The following NCKAP5 variants were observed in gnomAD, a reference collection of about 807,000 sequenced individuals.
NCKAP5 encodes nck-associated protein 5.
Under a neutral mutation model 167.0 loss-of-function variants are expected in NCKAP5, and 92 were observed. That is an observed-to-expected ratio of 0.55 (90% CI 0.47 to 0.66). The LOEUF (loss-of-function observed/expected upper bound fraction) is 0.66. NCKAP5 is among the 30% of genes least tolerant of loss of function. The pLI is 0.00. For missense variants in NCKAP5, 2,378 were observed against 2,315.0 expected (o/e 1.03, Z -0.56); for synonymous variants, 891 against 877.4 (o/e 1.02, Z -0.27).
chr2:132,817,586 G>C (rs1574316713), intron 11 of NCKAP5, among the ~76,000 whole-genome samples: 1 of 152,176 alleles, frequency 6.6e-6, no homozygotes, highest in Non-Finnish European at 1.5e-5. Flanking sequence ...TGAATTCTAA[G>C]AGCAACTCAC....
chr2:133,014,864 G>C (rs991207960), intron 6 of NCKAP5, among the ~76,000 whole-genome samples: 1 of 152,140 alleles, frequency 6.6e-6, no homozygotes, highest in African/African-American at 2.4e-5. Context: ...TTATAAGCAA[G>C]ATCTAAGATT....
intron 3 of NCKAP5, among the ~76,000 whole-genome samples, chr2:133,391,764 A>G (rs752690001): frequency 6.6e-6 from 1 of 152,178 alleles, no homozygotes; most frequent in Non-Finnish European, 1.5e-5. Context: ...AATCTTCACC[A>G]GAATTACCAG....
At chr2:133,634,449 A>G in the NCKAP5 span, among the ~76,000 whole-genome samples, 40 of 152,314 alleles carry the variant, frequency 2.6e-4, no homozygotes, top group African/African-American at 9.1e-4. Flanking sequence ...CTACGCTAAT[A>G]AACTGCCAGA....
At chr2:133,125,602 AT>A (rs912518729) in intron 6 of NCKAP5, among the ~76,000 whole-genome samples, 13 of 152,214 alleles carry the variant, frequency 8.5e-5, no homozygotes, top group Non-Finnish European at 1.9e-4. Context: ...CCTTTGATGT[AT>A]ATTGCCAAAT....
chr2:132,720,431 G>C (rs1689794270), intron 19 of NCKAP5, among the ~76,000 whole-genome samples: 1 of 152,216 alleles, frequency 6.6e-6, no homozygotes, highest in South Asian at 2.1e-4. Flanking sequence ...TGAACCCAGA[G>C]GCAGGGTTTT....
intron 2 of NCKAP5, among the ~76,000 whole-genome samples, chr2:133,526,379 AAG>A (rs1309130881): frequency 6.6e-6 from 1 of 152,058 alleles, no homozygotes; most frequent in East Asian, 1.9e-4. Context: ...CCTAAAATGT[AAG>A]AGAGGGAGAT....
At chr2:133,382,803 C>T (rs572389728) in intron 3 of NCKAP5, among the ~76,000 whole-genome samples, 1 of 152,242 alleles carries the variant, frequency 6.6e-6, no homozygotes, top group Admixed American at 6.5e-5. Flanking sequence ...CCTTACTCAC[C>T]ACCCCATTCT....
chr2:132,896,331 C>G (rs1172699637), intron 8 of NCKAP5, among the ~76,000 whole-genome samples: 2 of 152,168 alleles, frequency 1.3e-5, no homozygotes, highest in East Asian at 3.9e-4. Flanking sequence ...AGAGAACTGG[C>G]AAGCAGCAAC....
intron 5 of NCKAP5, among the ~76,000 whole-genome samples, chr2:133,143,984 A>C (rs1387477821): frequency 3.3e-5 from 5 of 152,070 alleles, no homozygotes; most frequent in African/African-American, 9.7e-5. Context: ...CAGCAAACCA[A>C]CTGATGCATT....
intron 6 of NCKAP5, among the ~76,000 whole-genome samples, chr2:133,095,836 C>A (rs879814563): frequency 3.3e-5 from 5 of 152,102 alleles, no homozygotes; most frequent in Non-Finnish European, 7.4e-5. Flanking sequence ...TAAACTGGAC[C>A]ATACGAAATT....
intron 7 of NCKAP5, among the ~76,000 whole-genome samples, chr2:132,989,751 G>T (rs2077397468): frequency 6.6e-6 from 1 of 152,104 alleles, no homozygotes; most frequent in Non-Finnish European, 1.5e-5. Flanking sequence ...ACAGATAACT[G>T]CTCAGTTTAA....
chr2:132,794,684 T>C lies in NCKAP5; in HGVS notation c.909+1944A>G, dbSNP rs62177022. On this transcript the variant is annotated intron_variant, in intron 12 of 19. Coordinates refer to ENST00000409261, the MANE Select transcript of NCKAP5 (RefSeq NM_207363.3). ...ACACACACACACACACACACACACA[T>C]ACACATGTGTCTTGGCTCTTCAACT... 4.5e-3 allele frequency among the ~76,000 whole-genome samples: 366 copies of C among 80,968 alleles called. 2 individuals carry two copies. The highest frequency in any genetic ancestry group is 0.021 in the Middle Eastern group (3 of 140). The allele number at this position is 80,968 out of a possible 152,430, so 53.1% of individuals were successfully genotyped here. A position where few individuals can be genotyped will look rare whatever the true frequency, so the allele number is the denominator to read the frequency against.
intron 3 of NCKAP5, among the ~76,000 whole-genome samples, chr2:133,304,065 G>A (rs1680599212): frequency 6.6e-6 from 1 of 152,176 alleles, no homozygotes; most frequent in Non-Finnish European, 1.5e-5. Flanking sequence ...ACCCAAGAAA[G>A]CTAGAGTTCC....
intron 11 of NCKAP5, among the ~76,000 whole-genome samples, chr2:132,848,938 G>A (rs1455276362): frequency 6.6e-6 from 1 of 152,112 alleles, no homozygotes; most frequent in Non-Finnish European, 1.5e-5. Context: ...GGGTATTCAG[G>A]ATCTGTCATA....
At chr2:133,124,713 G>A (rs1311550643) in intron 6 of NCKAP5, among the ~76,000 whole-genome samples, 2 of 152,110 alleles carry the variant, frequency 1.3e-5, no homozygotes, top group Non-Finnish European at 2.9e-5. Context: ...GTGTTACTAG[G>A]CACACAATAA....
chr2:133,169,296 T>C (rs2084137685), intron 5 of NCKAP5, among the ~76,000 whole-genome samples: 2 of 152,162 alleles, frequency 1.3e-5, no homozygotes, highest in Non-Finnish European at 2.9e-5. Context: ...AAACCTCCAA[T>C]CAGATGTGCT....
intron 5 of NCKAP5, among the ~76,000 whole-genome samples, chr2:133,142,389 C>A (rs2083033725): frequency 6.6e-6 from 1 of 152,100 alleles, no homozygotes. Flanking sequence ...ACCTGCCTGG[C>A]CCGTTGTTGG....
At chr2:133,237,047 T>TAA (rs112372084) in intron 4 of NCKAP5, among the ~76,000 whole-genome samples, 4,235 of 142,984 alleles carry the variant, frequency 0.03, 179 homozygotes, top group African/African-American at 0.098. Context: ...TAAAGTATAA[T>TAA]AAAAAAAAAA....
chr2:132,911,720 C>T (rs1197293454), intron 8 of NCKAP5, among the ~76,000 whole-genome samples: 1 of 152,204 alleles, frequency 6.6e-6, no homozygotes, highest in Non-Finnish European at 1.5e-5. Context: ...CCTATGTGAA[C>T]TCCATAAGCA....
Sources: gnomAD v4.1 joint callset for allele counts (sites outside exome capture counted in the v4.1 genomes callset) on GRCh38, gnomAD v4.1.1 for gene constraint, MANE v1.5 for transcripts, NCBI Gene and HGNC (gene_info 2026-07-23, HGNC 2026-07-21) for gene names.